Variants in C20orf96 observed in about 807,000 individuals in gnomAD.
C20orf96 encodes uncharacterized protein C20orf96.
Under a neutral mutation model 52.6 loss-of-function variants are expected in C20orf96, and 57 were observed. That is an observed-to-expected ratio of 1.08 (90% CI 0.88 to 1.35). C20orf96 has a LOEUF of 1.35. C20orf96 is among the 40% of genes most tolerant of loss of function. C20orf96 has a pLI of 0.00. For synonymous variants in C20orf96, 168 were observed against 157.2 expected (o/e 1.07, Z -0.51); for missense variants, 478 against 443.6 (o/e 1.08, Z -0.70).
chr20:277,192 C>T (rs1192634057), intron 7 of C20orf96, 34 bp downstream of exon 7: 1 of 1,613,576 alleles, frequency 6.2e-7, no homozygotes, highest in Admixed American at 1.7e-5. Context: ...GCCTCCCACA[C>T]AGTCTGGTGG....
Position 284,083 on chromosome 20 carries a change from T to C in C20orf96, c.188-2A>G, listed in dbSNP as rs2012321137. 1 of 1,611,520 alleles carries C rather than the reference T, an allele frequency of 6.2e-7. No homozygotes were observed. The highest frequency in any genetic ancestry group is 8.5e-7 in the Non-Finnish European group (1 of 1,177,774). On this transcript the variant is annotated splice_acceptor_variant, in intron 3 of 10. Transcript: ENST00000360321. LOFTEE classifies it high-confidence loss of function. ...CCGTAGTGGGCTTGAAGTGAAACAC[T>C]AGGGGTAGACAGGAAAGGACAGGGA...
intron 3 of C20orf96, among the ~76,000 whole-genome samples, chr20:284,437 C>A (rs940583482): frequency 6.6e-6 from 1 of 152,222 alleles, no homozygotes; most frequent in Non-Finnish European, 1.5e-5. Flanking sequence ...CACAGGACAG[C>A]AGAAAGACCA....
At chr20:276,441 G>A (rs2012025941) in intron 9 of C20orf96, 2 of 985,254 alleles carry the variant, frequency 2.0e-6, no homozygotes, top group South Asian at 4.7e-5. Context: ...AATTCAAGAA[G>A]GCAGTGATGG....
intron 10 of C20orf96, among the ~76,000 whole-genome samples, chr20:273,099 A>G (rs1324720128): frequency 6.6e-6 from 1 of 151,898 alleles, no homozygotes; most frequent in Non-Finnish European, 1.5e-5. Context: ...CTTAGCCTTC[A>G]CTGCAGCTGG....
At chr20:286,289 T>C (rs112112076) in intron 3 of C20orf96, among the ~76,000 whole-genome samples, 2,962 of 151,604 alleles carry the variant, frequency 0.02, 81 homozygotes, top group African/African-American at 0.067. Context: ...GGCTGAGGCA[T>C]GTGGATCACC....
At chr20:285,227 C>T (rs1395214276) in intron 3 of C20orf96, among the ~76,000 whole-genome samples, 2 of 152,154 alleles carry the variant, frequency 1.3e-5, no homozygotes, top group Admixed American at 6.5e-5. Context: ...AGAGTACAGG[C>T]ATTTGGGGGG....
intron 10 of C20orf96, among the ~76,000 whole-genome samples, chr20:275,135 A>G (rs2011976755): frequency 6.6e-6 from 1 of 152,172 alleles, no homozygotes; most frequent in African/African-American, 2.4e-5. Flanking sequence ...TCACTTTTGC[A>G]GTGGCATGTA....
chr20:289,701 T>C, intron 2 of C20orf96, 25 bp from the exon 3 acceptor site: 1 of 1,563,404 alleles, frequency 6.4e-7, no homozygotes, highest in Non-Finnish European at 8.8e-7. Context: ...ATCAGTCACA[T>C]AGCACCATGA....
At position 282,598 on chromosome 20, in the gene C20orf96, C is replaced by T. The variant is rs573717171; in HGVS notation, c.306+1365G>A. ...TAAAAATAACAGAAATGGCTGGAAG[C>T]GGTGGCTCACACCTATAATCCCAGC... On this transcript the variant is annotated intron_variant, in intron 4 of 10. Transcript: ENST00000360321. 3.7e-4 allele frequency among the ~76,000 whole-genome samples: 56 copies of T among 152,230 alleles called. 1 individual carries two copies. The highest frequency in any genetic ancestry group is 1.3e-3 in the African/African-American group (54 of 41,562).
At chr20:283,786 C>A (rs1015716133) in intron 4 of C20orf96, among the ~76,000 whole-genome samples, 177 bp downstream of exon 4, 1 of 152,154 alleles carries the variant, frequency 6.6e-6, no homozygotes, top group Admixed American at 6.6e-5. Flanking sequence ...ATTTATCTCC[C>A]TGCGCCTCAG....
intron 4 of C20orf96, among the ~76,000 whole-genome samples, chr20:280,809 T>C (rs1287739293): frequency 6.6e-6 from 1 of 152,196 alleles, no homozygotes; most frequent in Non-Finnish European, 1.5e-5. Context: ...CTCCTTATAC[T>C]CATTCTAAAG....
rs1568489810 is a variant in C20orf96, at chr20:276,033, C to T, written c.966G>A (p.Glu322=). The T allele has an allele frequency of 1.9e-6, 3 of 1,614,218 alleles. No homozygotes were observed. The highest frequency in any genetic ancestry group is 4.5e-5 in the East Asian group (2 of 44,890). ...NMPVLRAEVE[E]LQAQTREPRE... Reference sequence around the variant, plus strand: ...GGGGTTCCCGGGTCTGGGCTTGGAGCTCTTCCACCTCGGCCCTTAATACAG... The same window carrying T: ...GGGGTTCCCGGGTCTGGGCTTGGAGTTCTTCCACCTCGGCCCTTAATACAG... The change falls in exon 10 of 11, where the codon GAG becomes GAA. Residue 322 remains glutamate (E), a synonymous_variant. Transcript: ENST00000360321.
chr20:289,354 G>A, intron 3 of C20orf96, among the ~76,000 whole-genome samples: 1 of 152,174 alleles, frequency 6.6e-6, no homozygotes, highest in Non-Finnish European at 1.5e-5. Flanking sequence ...GAATGACCAT[G>A]TGGAACAGAA....
Position 276,824 on chromosome 20 carries a change from T to C in C20orf96, c.881A>G (p.Asp294Gly). 1.2e-6 allele frequency: 2 copies of C among 1,613,700 alleles called. No individual in the cohort carries two copies. Among genetic ancestry groups the C allele is most frequent in the Non-Finnish European group, 1.7e-6 (2 of 1,179,814 alleles). ...ALLQKMWESQ[D>G]FLKCMQRFRE... ...GAACCTTTGCATGCATTTCAGGAAG[T>C]CCTGGCTTTCCCACATCTTCTGTAG... is the stretch of plus-strand genomic sequence containing the variant. Residue 294 changes from aspartate to glycine, a missense_variant, in exon 9 of 11, where the codon GAC becomes GGC. Asp to Gly is a moderately conservative substitution (Grantham distance 94). Transcript: ENST00000360321.
Position 279,345 on chromosome 20 carries a change from A to T in C20orf96, c.307-15T>A, listed in dbSNP as rs2122275396. The T allele has an allele frequency of 6.9e-6, 11 of 1,599,328 alleles. No individual in the cohort carries two copies. The highest frequency in any genetic ancestry group is 3.3e-4 in the Middle Eastern group (2 of 6,038). On this transcript the variant is annotated splice_polypyrimidine_tract_variant and intron_variant, in intron 4 of 10. Transcript: ENST00000360321. ...CTGAGCGAGGTCTGCGGGCGGAGGG[A>T]AGAGCAGAGAGGCGGCGCTGCGCCC...
intron 1 of C20orf96, 69 bp downstream of exon 1, chr20:290,522 G>C: frequency 6.3e-7 from 1 of 1,580,934 alleles, no homozygotes; most frequent in Admixed American, 1.8e-5. Context: ...CGGGACAGCG[G>C]CGGGGTGTGA....
chr20:276,299 A>AG lies in C20orf96; in HGVS notation c.913-214dup, dbSNP rs2012021821. On this transcript the variant is annotated intron_variant, in intron 9 of 10. Transcript: ENST00000360321. ...ATATTCAGTGGTGCTGAAACAGGTG[A>AG]GGGATCATGGAGAATGGAGACAGGT... 1.1e-5 allele frequency: 11 copies of AG among 985,294 alleles called. No individual in the cohort carries two copies. In the South Asian group the frequency reaches 2.8e-4, roughly 25 times the overall value. 61.0% of individuals were successfully genotyped at this position (985,294 alleles called of 1,614,324 possible). A position where few individuals can be genotyped will look rare whatever the true frequency, so the allele number is the denominator to read the frequency against.
rs1400891821 is a variant in C20orf96 at position 276,592 on chromosome 20, G to A, written c.912+201C>T. On this transcript the variant is annotated intron_variant, in intron 9 of 10. Transcript: ENST00000360321. ...TTAGCCAGCATTGCTGGCTAATGAG[G>A]CAAGGCCTAGGTCAGTGCCAATCGC... 4.1e-6 allele frequency: 4 copies of A among 985,270 alleles called. No homozygotes were observed. The African/African-American group carries it at 7.0e-5, about 17-fold the overall frequency. The allele number at this position is 985,270 out of a possible 1,614,324, so 61.0% of individuals were successfully genotyped here.
rs768742624 is a variant in C20orf96 at position 277,033 on chromosome 20, T to G, written c.825+11A>C. ...TGGATCCCCGCTCCCACACAGCAAC[T>G]GGCTACTCACCGCCACCACAGAACT... On this transcript the variant is annotated intron_variant, in intron 8 of 10. Transcript: ENST00000360321. 2.5e-6 allele frequency: 4 copies of G among 1,611,686 alleles called. No individual in the cohort carries two copies. In the South Asian group the frequency reaches 4.4e-5, roughly 18 times the overall value.
Sources: allele counts gnomAD v4.1 joint callset (sites outside exome capture counted in the v4.1 genomes callset), GRCh38; gene constraint gnomAD v4.1.1; transcripts MANE v1.5; gene names NCBI Gene and HGNC (gene_info 2026-07-23, HGNC 2026-07-21).